Variants in GAPDHS observed in about 807,000 individuals in gnomAD.
The protein encoded by GAPDHS is glyceraldehyde-3-phosphate dehydrogenase, spermatogenic, also known as glyceraldehyde-3-phosphate dehydrogenase, testis-specific.
Under a neutral mutation model 48.7 loss-of-function variants are expected in GAPDHS, and 42 were observed. The observed-to-expected ratio is 0.86, with a 90% CI of 0.67 to 1.12. The LOEUF is 1.12. GAPDHS is among the 50% of genes most tolerant of loss of function. The pLI is 0.00. For missense variants in GAPDHS, 512 were observed against 557.7 expected (o/e 0.92, Z 0.82); for synonymous variants, 166 against 219.1 (o/e 0.76, Z 2.14).
chr19:35,543,887 C>T, intron 9 of GAPDHS, 60 bp downstream of exon 9: 6 of 1,492,384 alleles, frequency 4.0e-6, no homozygotes, highest in Non-Finnish European at 5.3e-6. Context: ...ATGATTTCCA[C>T]TTGCCAGGGA....
intron 4 of GAPDHS, among the ~76,000 whole-genome samples, chr19:35,539,566 C>T (rs1296794381): frequency 1.3e-5 from 2 of 152,116 alleles, no homozygotes; most frequent in African/African-American, 2.4e-5. Context: ...CAGGCCCACA[C>T]ACATGCAAAT....
intron 1 of GAPDHS, among the ~76,000 whole-genome samples, chr19:35,534,504 G>C (rs1438751600): frequency 6.6e-6 from 1 of 152,114 alleles, no homozygotes; most frequent in Non-Finnish European, 1.5e-5. Flanking sequence ...GAGGAGCTGG[G>C]GGCAGCACCC....
chr19:35,545,070 C>T lies in GAPDHS; in HGVS notation c.1155-28C>T, dbSNP rs1476003513. On this transcript the variant is annotated intron_variant, in intron 10 of 10. Coordinates refer to ENST00000222286, the MANE Select transcript of GAPDHS (RefSeq NM_014364.5). ...CTAAGGGGTGGTCGGAAGGAACCCC[C>T]TTGAACCTCCCGACCCCTCCTCCAC... 4 of 1,610,826 alleles carry T rather than the reference C, an allele frequency of 2.5e-6. No homozygotes were observed. In the African/African-American group the frequency reaches 4.0e-5, roughly 16 times the overall value.
At chr19:35,537,973 G>T (rs1303585621) in intron 2 of GAPDHS, among the ~76,000 whole-genome samples, 1 of 152,224 alleles carries the variant, frequency 6.6e-6, no homozygotes, top group East Asian at 1.9e-4. Context: ...CTACTTGGGA[G>T]GCTGAGGCAG....
intron 2 of GAPDHS, 24 bp downstream of exon 2, chr19:35,537,014 C>A: frequency 6.3e-7 from 1 of 1,589,770 alleles, no homozygotes; most frequent in South Asian, 1.1e-5. Flanking sequence ...AGCCCCTGAT[C>A]AGTCTGAAGC....
At position 35,536,924 on chromosome 19, in the gene GAPDHS, C is replaced by A; in HGVS notation, c.179C>A (p.Pro60His). The A allele has an allele frequency of 6.2e-7, 1 of 1,614,154 alleles. No homozygotes were observed. The highest frequency in any genetic ancestry group is 2.2e-5 in the East Asian group (1 of 44,884). ...EIKPPPPPLP[P>H]HPATPPPKMV... ...AAGCCACCACCGCCACCACTGCCTC[C>A]TCACCCCGCTACTCCTCCTCCTAAG... The change falls in exon 2 of 11, where the codon CCT (proline) becomes CAT (histidine). Residue 60 changes from proline (P) to histidine (H), a missense_variant. Transcript: ENST00000222286.
intron 1 of GAPDHS, among the ~76,000 whole-genome samples, chr19:35,535,399 T>C (rs1479764468): frequency 2.6e-5 from 4 of 152,126 alleles, no homozygotes; most frequent in South Asian, 2.1e-4. Context: ...TTATTTTTTT[T>C]TGGGAGATGG....
intron 3 of GAPDHS, 69 bp from the exon 4 acceptor site, chr19:35,538,508 C>G (rs1252335732): frequency 7.9e-7 from 1 of 1,271,012 alleles, no homozygotes; most frequent in African/African-American, 1.5e-5. Flanking sequence ...AGACCTTCAC[C>G]AAAGAGGGGA....
intron 1 of GAPDHS, among the ~76,000 whole-genome samples, chr19:35,535,023 C>T (rs1378203164): frequency 6.6e-6 from 1 of 152,188 alleles, no homozygotes; most frequent in Non-Finnish European, 1.5e-5. Context: ...GTGTGGGCCT[C>T]GAGATCTCAC....
chr19:35,534,517 C>A (rs1348774692), intron 1 of GAPDHS, among the ~76,000 whole-genome samples: 1 of 152,156 alleles, frequency 6.6e-6, no homozygotes, highest in Non-Finnish European at 1.5e-5. Context: ...CAGCACCCAG[C>A]TAGCCCCCAG....
chr19:35,533,619 G>C (rs1600128268), intron 1 of GAPDHS, 25 bp downstream of exon 1: 1 of 1,586,922 alleles, frequency 6.3e-7, no homozygotes, highest in Non-Finnish European at 8.6e-7. Flanking sequence ...GGAGGGCGCG[G>C]GGGAGGGGTG....
chr19:35,536,965 C>G lies in GAPDHS; in HGVS notation c.220C>G (p.Arg74Gly). 6.2e-7 allele frequency: 1 copy of G among 1,613,886 alleles called. No homozygotes were observed. Among genetic ancestry groups the G allele is most frequent in the South Asian group, 1.1e-5 (1 of 91,048 alleles). Residue 74 changes from arginine (R) to glycine (G), a missense_variant, in exon 2 of 11, where the codon CGG becomes GGG. Coordinates refer to ENST00000222286, the MANE Select transcript of GAPDHS (RefSeq NM_014364.5). ...TPPPKMVSVA[R>G]ELTVGINGFG... ...TCCTCCTAAGATGGTGTCTGTGGCC[C>G]GGGAGCTGACTGTGGGCATCAATGG...
Position 35,545,081 on chromosome 19 carries a change from C to A in GAPDHS, c.1155-17C>A. 1 of 1,613,048 alleles carries A rather than the reference C, an allele frequency of 6.2e-7. No homozygotes were observed. Among genetic ancestry groups the A allele is most frequent in the Non-Finnish European group, 8.5e-7 (1 of 1,179,020 alleles). Reference sequence around the variant, plus strand: ...TCGGAAGGAACCCCCTTGAACCTCCCGACCCCTCCTCCACAGGTACGACAA... The same window carrying A: ...TCGGAAGGAACCCCCTTGAACCTCCAGACCCCTCCTCCACAGGTACGACAA... On this transcript the variant is annotated splice_polypyrimidine_tract_variant and intron_variant, in intron 10 of 10. Coordinates refer to ENST00000222286, the MANE Select transcript of GAPDHS (RefSeq NM_014364.5).
chr19:35,541,362 G>C (rs1234064901), intron 4 of GAPDHS: 1 of 151,866 alleles, frequency 6.6e-6, no homozygotes, highest in Non-Finnish European at 1.5e-5. Flanking sequence ...GGAGGCCAAG[G>C]CAGGAGGATG....
Position 35,545,086 on chromosome 19 carries a change from C to G in GAPDHS, c.1155-12C>G, listed in dbSNP as rs758419105. ...AGGAACCCCCTTGAACCTCCCGACC[C>G]CTCCTCCACAGGTACGACAACGAAT... is the stretch of plus-strand genomic sequence containing the variant. On this transcript the variant is annotated splice_polypyrimidine_tract_variant and intron_variant, in intron 10 of 10. Coordinates refer to ENST00000222286, the MANE Select transcript of GAPDHS (RefSeq NM_014364.5). 3.1e-6 allele frequency: 5 copies of G among 1,613,374 alleles called. No homozygotes were observed. The South Asian group carries it at 4.4e-5, about 14-fold the overall frequency.
intron 4 of GAPDHS, among the ~76,000 whole-genome samples, chr19:35,539,732 G>C (rs2071489077): frequency 6.6e-6 from 1 of 152,118 alleles, no homozygotes; most frequent in Non-Finnish European, 1.5e-5. Context: ...GGAAGTTTGT[G>C]GGCAGGGGGC....
At position 35,543,382 on chromosome 19, in the gene GAPDHS, G is replaced by A. The variant is rs760185950; in HGVS notation, c.784G>A (p.Gly262Arg). 2.9e-5 allele frequency: 46 copies of A among 1,612,600 alleles called. No homozygotes were observed. The highest frequency in any genetic ancestry group is 1.3e-4 in the East Asian group (6 of 44,886). Residue 262 changes from glycine (G) to arginine (R), a missense_variant, in exon 8 of 11, where the codon GGG (glycine) becomes AGG (arginine). Coordinates refer to ENST00000222286, the MANE Select transcript of GAPDHS (RefSeq NM_014364.5). ...CACGGCCACCCAGAAGACAGTGGAC[G>A]GGCCATCAAGGAAGGCCTGGCGAGA... Reference protein sequence around the residue: ...SYTATQKTVDGPSRKAWRDGR... With the variant: ...SYTATQKTVDRPSRKAWRDGR...
At position 35,542,609 on chromosome 19, in the gene GAPDHS, G is replaced by A. The variant is rs764972211; in HGVS notation, c.659+1G>A. On this transcript the variant is annotated splice_donor_variant, in intron 6 of 10. Transcript: ENST00000222286. LOFTEE classifies it high-confidence loss of function. ...ACCCTGGCTCCATGAACATTGTGAG[G>A]TAATGTGGGCAGTGACATCCTGCAA... The A allele has an allele frequency of 2.0e-5, 32 of 1,584,552 alleles. No individual in the cohort carries two copies. Among genetic ancestry groups the A allele is most frequent in the Non-Finnish European group, 2.6e-5 (30 of 1,153,280 alleles).
At chr19:35,536,777 G>A (rs2071468387) in intron 1 of GAPDHS, 36 bp from the exon 2 acceptor site, 1 of 1,527,356 alleles carries the variant, frequency 6.5e-7, no homozygotes, top group Non-Finnish European at 9.0e-7. Context: ...TCACTTTGGT[G>A]GTCATGCAAC....
Sources: gnomAD v4.1 joint callset for allele counts (sites outside exome capture counted in the v4.1 genomes callset) on GRCh38, gnomAD v4.1.1 for gene constraint, MANE v1.5 for transcripts, NCBI Gene and HGNC (gene_info 2026-07-23, HGNC 2026-07-21) for gene names.